SYNRG: variants seen among roughly 807,000 people sequenced by gnomAD.
The protein encoded by SYNRG is synergin gamma.
SYNRG carries 37 observed loss-of-function variants against 130.9 expected under a neutral mutation model. The ratio of observed to expected loss-of-function variants is 0.28; its 90% CI spans 0.22 to 0.37. SYNRG has a LOEUF of 0.37. Ranked by LOEUF, SYNRG falls within the 10% of genes least tolerant of loss-of-function variation. The pLI, the probability that SYNRG is intolerant of heterozygous loss-of-function variation, is 1.00. For missense variants in SYNRG, 1,338 were observed against 1,588.9 expected (o/e 0.84, Z 2.68); for synonymous variants, 539 against 568.1 (o/e 0.95, Z 0.73).
intron 19 of SYNRG, chr17:37,529,748 A>C (rs1285923836): frequency 7.1e-6 from 11 of 1,544,904 alleles, no homozygotes; most frequent in Middle Eastern, 3.3e-4. Context: ...CCCCAAATTC[A>C]CAAGCTTGGC....
At chr17:37,581,610 G>A (rs1217546842) in intron 6 of SYNRG, among the ~76,000 whole-genome samples, 1 of 144,980 alleles carries the variant, frequency 6.9e-6, no homozygotes. Flanking sequence ...TTTTGGAGAT[G>A]GAGTCTAGCT....
chr17:37,589,767 CTATT>C (rs1029255327), intron 3 of SYNRG, among the ~76,000 whole-genome samples: 3 of 150,370 alleles, frequency 2.0e-5, no homozygotes, highest in African/African-American at 7.3e-5. Context: ...AAAAAAAAGG[CTATT>C]TATAAATGAT....
At chr17:37,590,619 T>C (rs2062088398) in intron 3 of SYNRG, among the ~76,000 whole-genome samples, 1 of 152,048 alleles carries the variant, frequency 6.6e-6, no homozygotes, top group Non-Finnish European at 1.5e-5. Flanking sequence ...ATATATAAAA[T>C]AATACAAGTA....
At chr17:37,540,915 T>C in intron 15 of SYNRG, 1 of 1,003,110 alleles carries the variant, frequency 1.0e-6, no homozygotes, top group Admixed American at 5.6e-5. Context: ...ATTACAGGTG[T>C]GAGCCACCGC....
intron 3 of SYNRG, among the ~76,000 whole-genome samples, chr17:37,586,799 G>T (rs1183332643): frequency 6.6e-6 from 1 of 152,142 alleles, no homozygotes; most frequent in Non-Finnish European, 1.5e-5. Flanking sequence ...CACTGTCCCA[G>T]AGGTGACCAC....
intron 19 of SYNRG, among the ~76,000 whole-genome samples, chr17:37,533,111 G>A (rs575410222): frequency 3.3e-5 from 5 of 152,068 alleles, no homozygotes; most frequent in South Asian, 4.2e-4. Context: ...TCTGATATTC[G>A]TATCAAGGCC....
intron 10 of SYNRG, among the ~76,000 whole-genome samples, chr17:37,570,189 A>G (rs1159463217): frequency 7.0e-6 from 1 of 142,168 alleles, no homozygotes; most frequent in Admixed American, 7.5e-5. Flanking sequence ...TTCTGTTGCC[A>G]AGCAGGAGTG....
In SYNRG at chr17:37,565,986, C is replaced by T. The variant is rs1376800332; in HGVS notation, c.1481+2805G>A. Among the ~76,000 whole-genome samples the T allele has an allele frequency of 4.6e-5, 7 of 150,972 alleles. 1 individual carries two copies. Among genetic ancestry groups the T allele is most frequent in the Admixed American group, 2.6e-4 (4 of 15,214 alleles). The stretch of plus-strand genomic sequence containing the variant: ...TGGGGGGGTCAGCCCCCTGCCCGGC[C>T]AGCCGCCCCGTCCGGGAGGGAGGTG... On this transcript the variant is annotated intron_variant, in intron 11 of 21. Transcript: ENST00000612223.
chr17:37,580,315 G>C (rs1197047707), intron 6 of SYNRG, among the ~76,000 whole-genome samples: 1 of 144,034 alleles, frequency 6.9e-6, no homozygotes, highest in Non-Finnish European at 1.5e-5. Context: ...TTTTTTTTGA[G>C]ATGGAATCTT....
chr17:37,548,562 AATCCCACTACT>A (rs1261416966), intron 14 of SYNRG, among the ~76,000 whole-genome samples: 1 of 152,164 alleles, frequency 6.6e-6, no homozygotes, highest in African/African-American at 2.4e-5. Flanking sequence ...TCACACCTGT[AATCCCACTACT>A]TTGGGAGGCC....
At chr17:37,553,043 TA>T in intron 14 of SYNRG, 71 bp downstream of exon 14, 1 of 1,436,088 alleles carries the variant, frequency 7.0e-7, no homozygotes. Flanking sequence ...CTTACTCATG[TA>T]AATCAACACC....
At chr17:37,567,592 A>C (rs1306258998) in intron 11 of SYNRG, 2 of 152,216 alleles carry the variant, frequency 1.3e-5, no homozygotes, top group African/African-American at 4.8e-5. Flanking sequence ...CACATTCCTT[A>C]TATGTTTCTT....
At chr17:37,539,112 G>A in intron 17 of SYNRG, 80 bp downstream of exon 17, 2 of 1,592,008 alleles carry the variant, frequency 1.3e-6, no homozygotes, top group Non-Finnish European at 8.5e-7. Flanking sequence ...GTTTGCCTCT[G>A]TCAATTCAAA....
At chr17:37,544,290 G>A (rs1020432680) in intron 14 of SYNRG, among the ~76,000 whole-genome samples, 13 of 151,720 alleles carry the variant, frequency 8.6e-5, no homozygotes, top group East Asian at 1.9e-4. Context: ...AGGAAAAAAC[G>A]ACTCAGGTGA....
At chr17:37,550,379 C>T (rs1295656714) in intron 14 of SYNRG, among the ~76,000 whole-genome samples, 2 of 152,028 alleles carry the variant, frequency 1.3e-5, no homozygotes, top group African/African-American at 4.8e-5. Context: ...AAGTGTTTGA[C>T]GAAACAAAAC....
At chr17:37,531,966 T>C (rs867883748) in intron 19 of SYNRG, among the ~76,000 whole-genome samples, 5 of 152,224 alleles carry the variant, frequency 3.3e-5, no homozygotes, top group African/African-American at 9.6e-5. Context: ...TCCTCTAGAT[T>C]TGGACTTTCA....
At chr17:37,588,740 TC>T (rs1367295291) in intron 3 of SYNRG, among the ~76,000 whole-genome samples, 2 of 122,868 alleles carry the variant, frequency 1.6e-5, no homozygotes, top group Non-Finnish European at 3.4e-5. Flanking sequence ...CTAGAATTAT[TC>T]TTTTTTTTTT....
At chr17:37,529,763 A>G (rs2056413536) in intron 19 of SYNRG, 2 of 1,549,916 alleles carry the variant, frequency 1.3e-6, no homozygotes, top group Non-Finnish European at 8.7e-7. Flanking sequence ...CTTGGCAAGT[A>G]CGCCTGGTCT....
chr17:37,559,853 C>T (rs546299806), intron 13 of SYNRG, among the ~76,000 whole-genome samples: 1 of 152,262 alleles, frequency 6.6e-6, no homozygotes, highest in Non-Finnish European at 1.5e-5. Context: ...GTCATGCAAG[C>T]TTCCCGTGAA....
Sources: allele counts gnomAD v4.1 joint callset (sites outside exome capture counted in the v4.1 genomes callset), GRCh38; gene constraint gnomAD v4.1.1; transcripts MANE v1.5; gene names NCBI Gene and HGNC (gene_info 2026-07-23, HGNC 2026-07-21).